RANBP3: variants seen among roughly 807,000 people sequenced by gnomAD.
The protein encoded by RANBP3 is ran-binding protein 3.
In RANBP3, 14 loss-of-function variants were observed where a neutral mutation model predicts 77.3. The ratio of observed to expected loss-of-function variants is 0.18; its 90% confidence interval spans 0.12 to 0.28. The LOEUF is 0.28. Among genes scored for constraint, RANBP3 ranks in the 10% least tolerant of loss-of-function variants. RANBP3 has a pLI of 1.00. For synonymous variants in RANBP3, 315 were observed against 312.4 expected (o/e 1.01, Z -0.09); for missense variants, 586 against 752.3 (o/e 0.78, Z 2.59).
Position 5,924,562 on chromosome 19 carries a change from C to T in RANBP3, c.996+265G>A, listed in dbSNP as rs1222288546. Among the ~76,000 whole-genome samples, 2 of 152,280 alleles carry T rather than the reference C, an allele frequency of 1.3e-5. No homozygotes were observed. Among genetic ancestry groups the T allele is most frequent in the African/African-American group, 4.8e-5 (2 of 41,478 alleles). ...CCGACTGCCAGCAGGACCCTGCAGC[C>T]TCCAGGGAAGCCCATCTTGGGATGA... On this transcript the variant is annotated intron_variant, in intron 11 of 16. Transcript: ENST00000340578. The surrounding 1 kb of genome is among the most constrained non-coding windows in gnomAD (Gnocchi z 4.7).
At chr19:5,961,860 A>G (rs2058406716) in intron 1 of RANBP3, among the ~76,000 whole-genome samples, 1 of 151,912 alleles carries the variant, frequency 6.6e-6, no homozygotes, top group East Asian at 1.9e-4. Context: ...TGGCACTGAA[A>G]AGCCCGCTGT....
chr19:5,969,337 C>T (rs1016188091), intron 1 of RANBP3, among the ~76,000 whole-genome samples: 23 of 152,202 alleles, frequency 1.5e-4, no homozygotes, highest in African/African-American at 5.5e-4. Flanking sequence ...TTCTCAAGGA[C>T]CGTTTCCACT....
At chr19:5,945,762 T>C (rs563368493) in intron 3 of RANBP3, among the ~76,000 whole-genome samples, 2 of 152,252 alleles carry the variant, frequency 1.3e-5, no homozygotes, top group African/African-American at 4.8e-5. Flanking sequence ...ATGCCATGGA[T>C]GCTCTCCCCA....
chr19:5,925,818 G>T, intron 9 of RANBP3, 81 bp from the exon 10 acceptor site: 1 of 1,098,570 alleles, frequency 9.1e-7, no homozygotes. Flanking sequence ...CAGACCCCCT[G>T]AGCTGCATGG....
chr19:5,949,466 G>T (rs1385119596), intron 3 of RANBP3, among the ~76,000 whole-genome samples: 1 of 152,234 alleles, frequency 6.6e-6, no homozygotes, highest in Non-Finnish European at 1.5e-5. Context: ...CTGTCACAAG[G>T]GGCTTGACAA....
intron 14 of RANBP3, chr19:5,920,868 G>T (rs559707488): frequency 1.4e-4 from 27 of 188,306 alleles, no homozygotes; most frequent in South Asian, 4.2e-4. Flanking sequence ...TTTATCAAGA[G>T]ATTAGACTTG....
intron 5 of RANBP3, among the ~76,000 whole-genome samples, chr19:5,939,149 C>CA (rs1413869528): frequency 4.6e-5 from 7 of 152,192 alleles, no homozygotes; most frequent in African/African-American, 1.7e-4. Flanking sequence ...CACACCACTG[C>CA]ACTCCAGCCT....
chr19:5,919,546 T>A (rs1480619884), intron 14 of RANBP3, among the ~76,000 whole-genome samples: 1 of 152,206 alleles, frequency 6.6e-6, no homozygotes, highest in Non-Finnish European at 1.5e-5. Context: ...CAGGGCTCTA[T>A]GCCCTCTCTT....
rs2057748289 is a variant in RANBP3, at chr19:5,917,104, A to G, written c.*506T>C. 1 of 169,078 alleles carries G rather than the reference A, an allele frequency of 5.9e-6. No individual in the cohort carries two copies. The highest frequency in any genetic ancestry group is 2.4e-5 in the African/African-American group (1 of 41,860). The allele number at this position is 169,078 out of a possible 1,614,324, so 10.5% of individuals were successfully genotyped here. A position where few individuals can be genotyped will look rare whatever the true frequency, so the allele number is the denominator to read the frequency against. On this transcript the variant is annotated 3_prime_UTR_variant, in exon 17 of 17. Coordinates refer to ENST00000340578, the MANE Select transcript of RANBP3 (RefSeq NM_007322.3). ...AGTTAACAGCACGTCCAATGGGCCC[A>G]GTGTCTACACTCGTACGAGCAGCCC...
At chr19:5,936,608 T>C (rs1440654291) in intron 5 of RANBP3, among the ~76,000 whole-genome samples, 1 of 152,162 alleles carries the variant, frequency 6.6e-6, no homozygotes, top group Non-Finnish European at 1.5e-5. Context: ...CTCTGAGAAA[T>C]GCAGATTCCA....
rs3068973 is a variant in RANBP3, at chr19:5,961,732, TCAAAACAAAA to T, written c.23-3769_23-3760del. On this transcript the variant is annotated intron_variant, in intron 1 of 16. Coordinates refer to ENST00000340578, the MANE Select transcript of RANBP3 (RefSeq NM_007322.3). ...TGGGCAACAAGAGTGAAACTCTGTC[TCAAAACAAAA>T]CAAAACAAAACAAAACAAAACAAAA... Among the ~76,000 whole-genome samples, 452 of 149,360 alleles carry T rather than the reference TCAAAACAAAA, an allele frequency of 3.0e-3. 1 individual carries two copies. Among genetic ancestry groups the T allele is most frequent in the Middle Eastern group, 0.01 (3 of 292 alleles).
chr19:5,977,922 G>C, intron 1 of RANBP3, 139 bp downstream of exon 1: 6 of 1,148,832 alleles, frequency 5.2e-6, no homozygotes, highest in Non-Finnish European at 7.1e-6. Context: ...GGGGGCGGCT[G>C]CAAGGCCCGC....
At chr19:5,966,517 G>A (rs934993586) in intron 1 of RANBP3, among the ~76,000 whole-genome samples, 4 of 152,152 alleles carry the variant, frequency 2.6e-5, no homozygotes, top group East Asian at 1.9e-4. Context: ...ACACACTCTC[G>A]CCTCCGCCTC....
In RANBP3 at chr19:5,952,875, T is replaced by G. The variant is rs979556242; in HGVS notation, c.79-1279A>C. ...CTCTCTAAACCTGGCTCTCTAAACCTGCACAGGGCACCGTGGTTCGTCCAG... is the reference window on the plus strand; with the variant it reads ...CTCTCTAAACCTGGCTCTCTAAACCGGCACAGGGCACCGTGGTTCGTCCAG... On this transcript the variant is annotated intron_variant, in intron 2 of 16. Transcript: ENST00000340578. This position sits in a 1 kb window ranked among gnomAD's most constrained non-coding sequence, Gnocchi z 4.1. Among the ~76,000 whole-genome samples, 5 of 152,206 alleles carry G rather than the reference T, an allele frequency of 3.3e-5. No homozygotes were observed. The highest frequency in any genetic ancestry group is 4.8e-5 in the African/African-American group (2 of 41,442).
intron 6 of RANBP3, chr19:5,932,775 A>G: frequency 1.8e-6 from 1 of 558,178 alleles, no homozygotes. Flanking sequence ...CTGTGAATTA[A>G]TCCAGTTAGC....
rs1043719304 is a variant in RANBP3, at chr19:5,931,017, C to T, written c.693+387G>A. Among the ~76,000 whole-genome samples the T allele has an allele frequency of 3.3e-5, 5 of 152,170 alleles. No homozygotes were observed. The East Asian group carries it at 9.6e-4, about 29-fold the overall frequency. ...ATTGCAAGACACCCATCAGTGACAG[C>T]CGTTCCTCGGGCCCTAGTGACTCCT... On this transcript the variant is annotated intron_variant, in intron 8 of 16. Coordinates refer to ENST00000340578, the MANE Select transcript of RANBP3 (RefSeq NM_007322.3).
chr19:5,970,695 T>C (rs1166169744), intron 1 of RANBP3, among the ~76,000 whole-genome samples: 1 of 152,178 alleles, frequency 6.6e-6, no homozygotes, highest in African/African-American at 2.4e-5. Context: ...GTGCTTTCTC[T>C]CTACTCAGGC....
intron 3 of RANBP3, among the ~76,000 whole-genome samples, chr19:5,945,593 T>C (rs1373235832): frequency 1.3e-5 from 2 of 152,228 alleles, no homozygotes; most frequent in Non-Finnish European, 2.9e-5. Flanking sequence ...GTTTCCTTAC[T>C]GATCTTGTCT....
rs2057736478 is a variant in RANBP3 at position 5,916,288 on chromosome 19, G to A, written c.*1322C>T. ...GACGTGTGACTGGGTCTCTCGGGAG[G>A]GCCTCTGGTTCTTCCCGGGCTCAGG... On this transcript the variant is annotated 3_prime_UTR_variant, in exon 17 of 17. Coordinates refer to ENST00000340578, the MANE Select transcript of RANBP3 (RefSeq NM_007322.3). 1 of 152,286 alleles carries A rather than the reference G, an allele frequency of 6.6e-6. No individual in the cohort carries two copies. Among genetic ancestry groups the A allele is most frequent in the Non-Finnish European group, 1.5e-5 (1 of 68,116 alleles). 9.4% of individuals were successfully genotyped at this position (152,286 alleles called of 1,614,324 possible).
Sources: gnomAD v4.1 joint callset for allele counts (sites outside exome capture counted in the v4.1 genomes callset) on GRCh38, gnomAD v4.1.1 for gene constraint, Gnocchi (gnomAD v3.1) non-coding constraint, MANE v1.5 for transcripts, NCBI Gene and HGNC (gene_info 2026-07-23, HGNC 2026-07-21) for gene names.